PNPLA7: variants seen among roughly 807,000 people sequenced by gnomAD.
PNPLA7 encodes the protein patatin like domain 7, lysophospholipase.
In PNPLA7, 153 loss-of-function variants were observed where a neutral mutation model predicts 161.7. The ratio of observed to expected loss-of-function variants is 0.95; its 90% CI spans 0.83 to 1.08. PNPLA7 has a LOEUF of 1.08. Ranked by LOEUF, PNPLA7 falls within the 50% of genes least tolerant of loss-of-function variation. PNPLA7 has a pLI of 0.00. For missense variants in PNPLA7, 1,739 were observed against 1,856.6 expected (o/e 0.94, Z 1.16); for synonymous variants, 809 against 782.1 (o/e 1.03, Z -0.57).
rs530486658 is a variant in PNPLA7 at position 137,480,047 on chromosome 9, C to T, written c.2580+265G>A. ...AAGGTTAGTCCTGGAAAAGGCTTCC[C>T]GCACCTGCTGTAAAAGTGCGAAAGG... On this transcript the variant is annotated intron_variant, in intron 23 of 34. Coordinates refer to ENST00000406427, the MANE Select transcript of PNPLA7 (RefSeq NM_001098537.3). 5.3e-5 allele frequency among the ~76,000 whole-genome samples: 8 copies of T among 152,338 alleles called. No homozygotes were observed. In the South Asian group the frequency reaches 1.0e-3, roughly 20 times the overall value.
intron 25 of PNPLA7, among the ~76,000 whole-genome samples, chr9:137,469,168 T>C (rs1182313208): frequency 6.6e-6 from 1 of 152,114 alleles, no homozygotes; most frequent in South Asian, 2.1e-4. Flanking sequence ...AAAAGCTCAA[T>C]GAGTGGGTCT....
Position 137,501,660 on chromosome 9 carries a change from T to C in PNPLA7, c.1541A>G (p.Gln514Arg). 6.2e-7 allele frequency: 1 copy of C among 1,611,812 alleles called. No individual in the cohort carries two copies. Among genetic ancestry groups the C allele is most frequent in the Non-Finnish European group, 8.5e-7 (1 of 1,179,382 alleles). Reference sequence around the variant, plus strand: ...CAGACCCCCGCTCACCTGGTCTCCCTGCCTTGACACCACCGTGCCTGCAGG... The same window carrying C: ...CAGACCCCCGCTCACCTGGTCTCCCCGCCTTGACACCACCGTGCCTGCAGG... ...HVPAGTVVSRQGDQDASILFV... is the reference protein window; with the variant it reads ...HVPAGTVVSRRGDQDASILFV... The change falls in exon 15 of 35, where the codon CAG (glutamine) becomes CGG (arginine). Residue 514 changes from glutamine (Q) to arginine (R), a missense_variant. Physicochemically the swap from Gln to Arg is conservative, Grantham distance 43 (BLOSUM62 1). Transcript: ENST00000406427.
At chr9:137,473,741 T>C (rs1831815578) in intron 25 of PNPLA7, among the ~76,000 whole-genome samples, 1 of 152,154 alleles carries the variant, frequency 6.6e-6, no homozygotes, top group Non-Finnish European at 1.5e-5. Flanking sequence ...CAAATTAGAA[T>C]CACAGTGAGA....
chr9:137,461,424 G>T, intron 33 of PNPLA7, 112 bp downstream of exon 33: 1 of 1,176,184 alleles, frequency 8.5e-7, no homozygotes, highest in Non-Finnish European at 1.2e-6. Context: ...GCCTGGGCGT[G>T]GACGTGGGCG....
chr9:137,502,732 G>GGGGACGCGGGGGACGGGA (rs1833541092), intron 14 of PNPLA7, among the ~76,000 whole-genome samples: 2 of 144,384 alleles, frequency 1.4e-5, no homozygotes, highest in Admixed American at 1.4e-4. Context: ...GGGGGACGGG[G>GGGGACGCGGGGGACGGGA]GGGACGAGAG....
intron 14 of PNPLA7, among the ~76,000 whole-genome samples, chr9:137,502,469 T>C (rs1360867644): frequency 6.7e-6 from 1 of 148,828 alleles, no homozygotes; most frequent in Admixed American, 6.7e-5. Context: ...CAAAAGTTTG[T>C]CAAACAGGAG....
chr9:137,547,432 A>C lies in PNPLA7; in HGVS notation c.106-36T>G. On this transcript the variant is annotated intron_variant, in intron 2 of 34. Coordinates refer to ENST00000406427, the MANE Select transcript of PNPLA7 (RefSeq NM_001098537.3). This position sits in a 1 kb window ranked among gnomAD's most constrained non-coding sequence, Gnocchi z 4.6. ...GTGGAAACACGGCGCCCATCAGCAA[A>C]GCCACAAACCTAACCCTAGCCCTAA... is the stretch of plus-strand genomic sequence containing the variant. The C allele has an allele frequency of 6.2e-7, 1 of 1,611,422 alleles. No homozygotes were observed. The highest frequency in any genetic ancestry group is 8.5e-7 in the Non-Finnish European group (1 of 1,178,348).
At chr9:137,508,438 G>A (rs543728438) in intron 12 of PNPLA7, among the ~76,000 whole-genome samples, 1 of 152,044 alleles carries the variant, frequency 6.6e-6, no homozygotes, top group South Asian at 2.1e-4. Context: ...ATGGTGGTGG[G>A]CGCCTGTAAT....
chr9:137,464,518 C>T (rs1831376858), intron 26 of PNPLA7, 62 bp from the exon 27 acceptor site: 2 of 1,455,424 alleles, frequency 1.4e-6, no homozygotes, highest in South Asian at 2.3e-5. Context: ...CCACAGCAGA[C>T]ACGTGGCGTG....
Position 137,464,179 on chromosome 9 carries a change from T to A in PNPLA7, c.3173A>T (p.Tyr1058Phe). Residue 1058 changes from tyrosine (Y) to phenylalanine (F), a missense_variant, in exon 28 of 35, where the codon TAT (tyrosine) becomes TTT (phenylalanine). Physicochemically the swap from Tyr to Phe is conservative, Grantham distance 22 (BLOSUM62 3). Around this residue, in one of 6 missense-constraint regions of PNPLA7, gnomAD observed 703 missense variants for 694.6 expected, o/e 1.01. Coordinates refer to ENST00000406427, the MANE Select transcript of PNPLA7 (RefSeq NM_001098537.3). ...TGTGATGTCGGTGGTGATGGCGAAA[T>A]AAGGAATCCACAGGTCCTGCGGGCG... ...DQQIEDLWIP[Y>F]FAITTDITAS... 2 of 1,613,728 alleles carry A rather than the reference T, an allele frequency of 1.2e-6. No homozygotes were observed. The highest frequency in any genetic ancestry group is 2.2e-5 in the South Asian group (2 of 91,064).
At chr9:137,545,236 G>A (rs747334970) in intron 4 of PNPLA7, among the ~76,000 whole-genome samples, 2 of 152,168 alleles carry the variant, frequency 1.3e-5, no homozygotes, top group Non-Finnish European at 2.9e-5. Flanking sequence ...TCTAGGTTCC[G>A]GAACCACCCA....
In PNPLA7 at chr9:137,531,525, C is replaced by T. The variant is rs11137425; in HGVS notation, c.748-8668G>A. ...GGTCCCCGAGGGCTCCCCACACTTG[C>T]ACATCTTCAGATCTCGGCAGTGCTG... On this transcript the variant is annotated intron_variant, in intron 8 of 34. Transcript: ENST00000406427. Among the ~76,000 whole-genome samples the T allele has an allele frequency of 9.0e-3, 1,367 of 152,300 alleles. 7 individuals are homozygous for T. The highest frequency in any genetic ancestry group is 9.9e-3 in the Non-Finnish European group (676 of 68,034).
chr9:137,550,068 C>T lies in PNPLA7; in HGVS notation c.30+100G>A, dbSNP rs1836766317. 4 of 1,477,326 alleles carry T rather than the reference C, an allele frequency of 2.7e-6. No individual in the cohort carries two copies. The East Asian group carries it at 6.8e-5, about 25-fold the overall frequency. The allele number at this position is 1,477,326 out of a possible 1,614,324, so 91.5% of individuals were successfully genotyped here. ...CTCAGGCGCCAAGAAGCCACGGGGC[C>T]AAAGAGCGCGGCAGAGCAGACGCCA... On this transcript the variant is annotated intron_variant, in intron 1 of 34. Transcript: ENST00000406427.
chr9:137,518,887 A>C (rs1288681885), intron 11 of PNPLA7, among the ~76,000 whole-genome samples: 2 of 79,274 alleles, frequency 2.5e-5, no homozygotes, highest in African/African-American at 5.6e-5. Context: ...CTCCATCCTC[A>C]CTCACTCACT....
chr9:137,539,913 G>C (rs978650463), intron 8 of PNPLA7, among the ~76,000 whole-genome samples: 1 of 152,104 alleles, frequency 6.6e-6, no homozygotes, highest in Non-Finnish European at 1.5e-5. Context: ...AGCCTCCCAA[G>C]TAGCTGGGAT....
Position 137,520,149 on chromosome 9 carries a change from G to A in PNPLA7, c.958-106C>T, listed in dbSNP as rs1834911802. On this transcript the variant is annotated intron_variant, in intron 10 of 34. Coordinates refer to ENST00000406427, the MANE Select transcript of PNPLA7 (RefSeq NM_001098537.3). The surrounding 1 kb of genome is among the most constrained non-coding windows in gnomAD (Gnocchi z 5.2). ...ACAGGTGTGGGCTCCTCAAAGGTGT[G>A]ACAGGTGTGGGCCCCTCAAAGGTGT... 6.7e-7 allele frequency: 1 copy of A among 1,499,006 alleles called. No homozygotes were observed. The highest frequency in any genetic ancestry group is 9.0e-7 in the Non-Finnish European group (1 of 1,110,094). 92.9% of individuals were successfully genotyped at this position (1,499,006 alleles called of 1,614,324 possible).
chr9:137,516,180 T>G (rs1834558962), intron 11 of PNPLA7, among the ~76,000 whole-genome samples: 1 of 130,068 alleles, frequency 7.7e-6, no homozygotes, highest in South Asian at 2.6e-4. Flanking sequence ...GTGGGCCAAG[T>G]GCCTTGAAGG....
At chr9:137,510,869 A>G (rs1264629728) in intron 12 of PNPLA7, among the ~76,000 whole-genome samples, 1 of 152,236 alleles carries the variant, frequency 6.6e-6, no homozygotes. Context: ...CTGTTCCAAT[A>G]TAATCAAGAA....
rs112283577 is a variant in PNPLA7 at position 137,505,410 on chromosome 9, C to T, written c.1473+204G>A. ...GACACCCTGATGTCCCAGAAAGCTT[C>T]GGCTTTGAGTTTGAACATAAGGCGA... On this transcript the variant is annotated intron_variant, in intron 14 of 34. Transcript: ENST00000406427. 1.5e-3 allele frequency among the ~76,000 whole-genome samples: 234 copies of T among 152,310 alleles called. 1 individual carries two copies. The highest frequency in any genetic ancestry group is 5.2e-3 in the African/African-American group (216 of 41,562).
Sources: allele counts gnomAD v4.1 joint callset (sites outside exome capture counted in the v4.1 genomes callset), GRCh38; gene constraint gnomAD v4.1.1; regional missense constraint gnomAD v4.1.1; non-coding constraint Gnocchi (gnomAD v3.1); transcripts MANE v1.5; gene names NCBI Gene and HGNC (gene_info 2026-07-23, HGNC 2026-07-21).